PRKCB: variants seen among roughly 807,000 people sequenced by gnomAD.
PRKCB encodes protein kinase C beta type.
Under a neutral mutation model 81.5 loss-of-function variants are expected in PRKCB, and 13 were observed. That is an observed-to-expected ratio of 0.16 (90% CI 0.10 to 0.25). The LOEUF is 0.25. Ranked by LOEUF, PRKCB falls within the 10% of genes least tolerant of loss-of-function variation. The pLI is 1.00. For synonymous variants in PRKCB, 335 were observed against 321.4 expected (o/e 1.04, Z -0.45); for missense variants, 509 against 875.7 (o/e 0.58, Z 5.29).
chr16:23,875,788 TCACA>T (rs753866510), intron 2 of PRKCB, among the ~76,000 whole-genome samples: 1,853 of 62,332 alleles, frequency 0.03, 385 homozygotes, highest in East Asian at 0.053. Flanking sequence ...TGTGTGTATA[TCACA>T]CATATATGTG....
chr16:23,899,638 C>CTGTG (rs1321296940), intron 2 of PRKCB, among the ~76,000 whole-genome samples: 3 of 16,722 alleles, frequency 1.8e-4, no homozygotes, highest in African/African-American at 3.3e-4. Context: ...CTCTCTCTCT[C>CTGTG]TCTCTCTGTG....
At chr16:23,890,659 G>T (rs149787623) in intron 2 of PRKCB, among the ~76,000 whole-genome samples, 1 of 152,182 alleles carries the variant, frequency 6.6e-6, no homozygotes, top group East Asian at 1.9e-4. Context: ...CCTTGCTTTT[G>T]TGATACCCTC....
At chr16:24,067,323 G>A (rs540201901) in intron 5 of PRKCB, among the ~76,000 whole-genome samples, 15 of 150,166 alleles carry the variant, frequency 1.0e-4, no homozygotes, top group African/African-American at 3.2e-4. Flanking sequence ...TTTTTTAGAC[G>A]GGATCTTATT....
chr16:23,858,621 G>C (rs148687606), intron 2 of PRKCB, among the ~76,000 whole-genome samples: 1 of 152,042 alleles, frequency 6.6e-6, no homozygotes, highest in Non-Finnish European at 1.5e-5. Flanking sequence ...AATTCAGAAA[G>C]TGGCTTCTAG....
At chr16:23,892,629 A>C (rs732798) in intron 2 of PRKCB, among the ~76,000 whole-genome samples, 78,309 of 152,024 alleles carry the variant, frequency 0.52, 20,837 homozygotes, top group East Asian at 0.63. Context: ...GTGAGTAGGC[A>C]GATGGTCTTA....
chr16:23,873,421 G>T (rs557584489), intron 2 of PRKCB, among the ~76,000 whole-genome samples: 1 of 151,932 alleles, frequency 6.6e-6, no homozygotes, highest in Admixed American at 6.6e-5. Context: ...AAGACTTATC[G>T]GGAATGCAGG....
At chr16:24,202,053 A>T (rs1019111864) in intron 16 of PRKCB, among the ~76,000 whole-genome samples, 2 of 152,054 alleles carry the variant, frequency 1.3e-5, no homozygotes, top group African/African-American at 4.8e-5. Context: ...AAAAAAAAGA[A>T]AAAAAGAAAA....
At chr16:24,205,644 A>T (rs1296210615) in intron 16 of PRKCB, among the ~76,000 whole-genome samples, 1 of 152,192 alleles carries the variant, frequency 6.6e-6, no homozygotes, top group East Asian at 1.9e-4. Flanking sequence ...CTTGCAAAAC[A>T]CTTAACACAG....
chr16:24,185,170 G>A lies in PRKCB; in HGVS notation c.1593G>A (p.Leu531=). ...SVDWWAFGVL[L]YEMLAGQAPF... Reference sequence around the variant, plus strand: ...ATTGGTGGGCATTTGGAGTCCTGCTGTATGAAATGTTGGCTGGGCAGGTAA... The same window carrying A: ...ATTGGTGGGCATTTGGAGTCCTGCTATATGAAATGTTGGCTGGGCAGGTAA... The change falls in exon 14 of 17, where the codon CTG becomes CTA. Residue 531 remains leucine (L), a synonymous_variant. Coordinates refer to ENST00000643927, the MANE Select transcript of PRKCB (RefSeq NM_002738.7). 1 of 1,614,086 alleles carries A rather than the reference G, an allele frequency of 6.2e-7. No individual in the cohort carries two copies. Among genetic ancestry groups the A allele is most frequent in the Non-Finnish European group, 8.5e-7 (1 of 1,179,958 alleles).
intron 2 of PRKCB, among the ~76,000 whole-genome samples, chr16:23,973,008 TAATCCCAGC>T (rs1964578934): frequency 6.6e-6 from 1 of 152,218 alleles, no homozygotes; most frequent in Non-Finnish European, 1.5e-5. Context: ...TTGTCACATT[TAATCCCAGC>T]AACTCCATGA....
At chr16:23,918,507 G>A (rs973886214) in intron 2 of PRKCB, among the ~76,000 whole-genome samples, 6 of 151,672 alleles carry the variant, frequency 4.0e-5, no homozygotes, top group Middle Eastern at 3.2e-3. Context: ...AGAGATTCTC[G>A]TGCCTCAGCC....
At chr16:23,978,291 T>A (rs931265732) in intron 2 of PRKCB, among the ~76,000 whole-genome samples, 6 of 152,216 alleles carry the variant, frequency 3.9e-5, no homozygotes, top group African/African-American at 1.4e-4. Context: ...AGTCCCCCCA[T>A]ATCCCTTCCC....
chr16:23,889,194 G>A (rs555831193), intron 2 of PRKCB, among the ~76,000 whole-genome samples: 1 of 151,878 alleles, frequency 6.6e-6, no homozygotes, highest in Admixed American at 6.6e-5. Context: ...TCAATGTAGT[G>A]TAATGATTAA....
At chr16:24,158,540 A>ATGTGT (rs1306813635) in intron 10 of PRKCB, among the ~76,000 whole-genome samples, 1 of 56,612 alleles carries the variant, frequency 1.8e-5, no homozygotes, top group East Asian at 5.2e-4. Context: ...GTATATGTAT[A>ATGTGT]AGTATATGTA....
Position 24,092,798 on chromosome 16 carries a change from T to TGCTAAAAACCTTGTA in PRKCB, c.538_552dup (p.Ala180_Val184dup), listed in dbSNP as rs1966391529. ...CTGCTTTTTCTTTTTCAGTAAGAGA[T>TGCTAAAAACCTTGTA]GCTAAAAACCTTGTACCTATGGACC... On this transcript the variant is annotated inframe_insertion, in exon 6 of 17. Coordinates refer to ENST00000643927, the MANE Select transcript of PRKCB (RefSeq NM_002738.7). 1 of 1,612,956 alleles carries TGCTAAAAACCTTGTA rather than the reference T, an allele frequency of 6.2e-7. No homozygotes were observed. Among genetic ancestry groups the TGCTAAAAACCTTGTA allele is most frequent in the African/African-American group, 1.3e-5 (1 of 74,838 alleles).
intron 2 of PRKCB, among the ~76,000 whole-genome samples, chr16:23,852,038 G>A (rs995892280): frequency 3.3e-5 from 5 of 152,104 alleles, no homozygotes; most frequent in African/African-American, 7.2e-5. Flanking sequence ...AGGGTTTTCT[G>A]TATATAAAAT....
Position 23,984,960 on chromosome 16 carries a change from G to A in PRKCB, c.206-3548G>A, listed in dbSNP as rs539344581. Among the ~76,000 whole-genome samples the A allele has an allele frequency of 3.3e-5, 5 of 152,244 alleles. No individual in the cohort carries two copies. In the South Asian group the frequency reaches 8.3e-4, roughly 25 times the overall value. On this transcript the variant is annotated intron_variant, in intron 2 of 16. Coordinates refer to ENST00000643927, the MANE Select transcript of PRKCB (RefSeq NM_002738.7). ...GAGAATAATAAAAATATTATTTGGGGTAATACGGTTTTCTATCTGGAAAAC... is the reference window on the plus strand; with the variant it reads ...GAGAATAATAAAAATATTATTTGGGATAATACGGTTTTCTATCTGGAAAAC...
intron 2 of PRKCB, among the ~76,000 whole-genome samples, chr16:23,863,245 T>C (rs1391295841): frequency 0.075 from 4,786 of 63,552 alleles, 111 homozygotes; most frequent in Admixed American, 0.1. Flanking sequence ...TATATACATA[T>C]ATATACACAT....
intron 12 of PRKCB, among the ~76,000 whole-genome samples, chr16:24,177,191 T>C (rs1360085730): frequency 6.6e-6 from 1 of 152,186 alleles, no homozygotes; most frequent in Non-Finnish European, 1.5e-5. Flanking sequence ...TTCCGGTCAA[T>C]TGAGTTGTGA....
Sources: allele counts gnomAD v4.1 joint callset (sites outside exome capture counted in the v4.1 genomes callset), GRCh38; gene constraint gnomAD v4.1.1; transcripts MANE v1.5; gene names NCBI Gene and HGNC (gene_info 2026-07-23, HGNC 2026-07-21).